The following SV2C variants were observed in gnomAD, a reference collection of about 807,000 sequenced individuals.
The protein encoded by SV2C is synaptic vesicle glycoprotein 2C.
SV2C carries 49 observed loss-of-function variants against 79.7 expected under a neutral mutation model. The observed-to-expected ratio is 0.61, with a 90% confidence interval of 0.49 to 0.78. The LOEUF is 0.78. Ranked by LOEUF, SV2C falls within the 30% of genes least tolerant of loss-of-function variation. SV2C has a pLI of 0.00. For synonymous variants in SV2C, 334 were observed against 333.2 expected, an observed-to-expected ratio of 1.00 and a Z score of -0.03; for missense variants, 833 against 912.9, an observed-to-expected ratio of 0.91 and a Z score of 1.13.
At chr5:76,173,724 C>T (rs368365033) in intron 2 of SV2C, 76 of 1,613,376 alleles carry the variant, frequency 4.7e-5, no homozygotes, top group Non-Finnish European at 5.9e-5. Flanking sequence ...ATCTCATTAA[C>T]ATTTATTTTT....
At chr5:76,225,784 T>G (rs1745217827) in intron 4 of SV2C, among the ~76,000 whole-genome samples, 1 of 152,200 alleles carries the variant, frequency 6.6e-6, no homozygotes, top group African/African-American at 2.4e-5. Context: ...AACAAAGAAG[T>G]GGATTCAATG....
chr5:75,901,322 A>C, the SV2C span, among the ~76,000 whole-genome samples: 1 of 152,178 alleles, frequency 6.6e-6, no homozygotes. Context: ...CCTGAGCTGC[A>C]GGTCTGTTGG....
At chr5:76,113,978 C>A (rs1169916634) in intron 1 of SV2C, among the ~76,000 whole-genome samples, 1 of 152,198 alleles carries the variant, frequency 6.6e-6, no homozygotes, top group Admixed American at 6.5e-5. Context: ...GCAGCAGAGA[C>A]CTGCCTCGAA....
chr5:76,037,433 G>T, the SV2C span, among the ~76,000 whole-genome samples: 1 of 152,166 alleles, frequency 6.6e-6, no homozygotes, highest in Admixed American at 6.5e-5. Context: ...TGGTGTGGAT[G>T]TCCTTTCTGT....
Position 76,123,144 on chromosome 5 carries a change from G to A in SV2C, c.-101-8506G>A, listed in dbSNP as rs187722572. 2.8e-3 allele frequency among the ~76,000 whole-genome samples: 429 copies of A among 152,130 alleles called. 4 individuals carry two copies. The highest frequency in any genetic ancestry group is 9.8e-3 in the African/African-American group (405 of 41,512). On this transcript the variant is annotated intron_variant, in intron 1 of 12. Coordinates refer to ENST00000502798, the MANE Select transcript of SV2C (RefSeq NM_014979.4). ...AAATCTAGAAGAAATGGATAAATTC[G>A]TCGACACATACACTCTCCCAAGACT...
intron 2 of SV2C, among the ~76,000 whole-genome samples, chr5:76,144,812 A>G (rs969728169): frequency 6.8e-6 from 1 of 146,190 alleles, no homozygotes; most frequent in Admixed American, 6.9e-5. Flanking sequence ...AAGTACAGTC[A>G]GATTGATAGG....
rs1017002937 is a variant in SV2C at position 76,330,689 on chromosome 5, G to C, written c.*5142G>C. ...GAGGAGAAAGCTCCTTGATTACCTG[G>C]TTTTTGTTGGAGAGACTATTAACTA... On this transcript the variant is annotated 3_prime_UTR_variant, in exon 13 of 13. Coordinates refer to ENST00000502798, the MANE Select transcript of SV2C (RefSeq NM_014979.4). 2.6e-5 allele frequency: 4 copies of C among 152,062 alleles called. No individual in the cohort carries two copies. Among genetic ancestry groups the C allele is most frequent in the Non-Finnish European group, 5.9e-5 (4 of 68,036 alleles). The allele number at this position is 152,062 out of a possible 1,614,324, so 9.4% of individuals were successfully genotyped here.
chr5:75,923,260 A>T, the SV2C span, among the ~76,000 whole-genome samples: 1 of 152,208 alleles, frequency 6.6e-6, no homozygotes, highest in Non-Finnish European at 1.5e-5. Context: ...CTCATGCAAA[A>T]ATCAACTCGA....
chr5:76,073,499 G>GTGTGTA, the SV2C span, among the ~76,000 whole-genome samples: 392 of 89,158 alleles, frequency 4.4e-3, 6 homozygotes, highest in African/African-American at 0.02. Flanking sequence ...GTATGTATGT[G>GTGTGTA]TGTGTATATA....
At chr5:75,938,315 G>GTGCA in the SV2C span, among the ~76,000 whole-genome samples, 1 of 152,048 alleles carries the variant, frequency 6.6e-6, no homozygotes, top group Non-Finnish European at 1.5e-5. Flanking sequence ...CTCAATAGAA[G>GTGCA]TGCATACATG....
the SV2C span, among the ~76,000 whole-genome samples, chr5:75,904,731 A>C: frequency 6.6e-6 from 1 of 152,240 alleles, no homozygotes; most frequent in Admixed American, 6.5e-5. Flanking sequence ...AACTCTAGAT[A>C]AACGTAGACA....
intron 11 of SV2C, 60 bp from the exon 12 acceptor site, chr5:76,301,326 G>T: frequency 2.5e-6 from 4 of 1,598,384 alleles, no homozygotes; most frequent in Non-Finnish European, 3.4e-6. Context: ...AGGACCCAAG[G>T]GTTCTTGCTT....
the SV2C span, among the ~76,000 whole-genome samples, chr5:76,055,997 TTTGA>T: frequency 6.6e-6 from 1 of 150,720 alleles, no homozygotes; most frequent in African/African-American, 2.4e-5. Context: ...ATTTCTTTTG[TTTGA>T]TTGCCCTGGC....
the SV2C span, among the ~76,000 whole-genome samples, chr5:75,919,802 G>A: frequency 6.6e-6 from 1 of 152,186 alleles, no homozygotes; most frequent in South Asian, 2.1e-4. Flanking sequence ...GCAAGCATTT[G>A]ACTTTGACAA....
intron 4 of SV2C, among the ~76,000 whole-genome samples, chr5:76,278,032 A>C (rs981011496): frequency 2.0e-5 from 3 of 152,232 alleles, no homozygotes; most frequent in Middle Eastern, 3.2e-3. Flanking sequence ...CTCTATGAAG[A>C]TAATACAAAC....
At chr5:75,897,401 G>A in the SV2C span, among the ~76,000 whole-genome samples, 2 of 151,214 alleles carry the variant, frequency 1.3e-5, no homozygotes, top group East Asian at 3.9e-4. Flanking sequence ...TATTTCTGAG[G>A]GCTGTGCTCT....
At chr5:76,050,861 T>A in the SV2C span, among the ~76,000 whole-genome samples, 3 of 152,300 alleles carry the variant, frequency 2.0e-5, no homozygotes, top group Non-Finnish European at 4.4e-5. Flanking sequence ...GTTTATCAAA[T>A]ATAGATAAGT....
the SV2C span, among the ~76,000 whole-genome samples, chr5:75,946,701 G>A: frequency 7.9e-5 from 12 of 152,054 alleles, no homozygotes; most frequent in South Asian, 6.2e-4. Context: ...GATTTCATTC[G>A]TATAACATTC....
the SV2C span, among the ~76,000 whole-genome samples, chr5:76,013,200 A>T: frequency 4.5e-4 from 68 of 152,272 alleles, no homozygotes; most frequent in Admixed American, 1.6e-3. Context: ...TTTAGGCAGT[A>T]TGGCCATTTT....
Sources: gnomAD v4.1 joint callset for allele counts (sites outside exome capture counted in the v4.1 genomes callset) on GRCh38, gnomAD v4.1.1 for gene constraint, MANE v1.5 for transcripts, NCBI Gene and HGNC (gene_info 2026-07-23, HGNC 2026-07-21) for gene names.